Variants in WWOX observed in about 807,000 individuals in gnomAD.
The protein encoded by WWOX is WW domain containing oxidoreductase.
WWOX carries 69 observed loss-of-function variants against 46.2 expected under a neutral mutation model. That is an observed-to-expected ratio of 1.49 (90% CI 1.23 to 1.82). The LOEUF is 1.82. Ranked by LOEUF, WWOX falls within the 40% of genes most tolerant of loss-of-function variation. The probability of loss-of-function intolerance (pLI) is 0.00; values close to 1 mark genes in which losing one functional copy is unlikely to be tolerated. For synonymous variants in WWOX, 359 were observed against 202.6 expected, an observed-to-expected ratio of 1.77 and a Z score of -6.56; for missense variants, 919 against 542.6, an observed-to-expected ratio of 1.69 and a Z score of -6.89.
chr16:78,367,693 G>A (rs2081570546), intron 5 of WWOX, among the ~76,000 whole-genome samples: 2 of 152,056 alleles, frequency 1.3e-5, no homozygotes, highest in Admixed American at 1.3e-4. Flanking sequence ...GTACTGTTTT[G>A]GAAGGAGAAT....
At chr16:78,885,177 A>G (rs1236768895) in intron 8 of WWOX, among the ~76,000 whole-genome samples, 1 of 148,390 alleles carries the variant, frequency 6.7e-6, no homozygotes, top group African/African-American at 2.5e-5. Flanking sequence ...GCGGGGGACT[A>G]CCAATCACTC....
chr16:78,481,764 T>TGTGCGC (rs149940474), intron 8 of WWOX, among the ~76,000 whole-genome samples: 266 of 148,022 alleles, frequency 1.8e-3, no homozygotes, highest in African/African-American at 2.3e-3. Context: ...TGTGTGTGTG[T>TGTGCGC]GCGCGCGCCT....
intron 5 of WWOX, among the ~76,000 whole-genome samples, chr16:78,359,868 A>C (rs1035285616): frequency 6.6e-6 from 1 of 152,224 alleles, no homozygotes; most frequent in Non-Finnish European, 1.5e-5. Flanking sequence ...TTGTTTTGAC[A>C]CAGCAAAAAC....
Position 78,425,054 on chromosome 16 carries a change from C to T in WWOX, c.790C>T (p.Arg264Ter), listed in dbSNP as rs756762196. The stretch of plus-strand genomic sequence containing the variant: ...CATTGTGGTCTCCTCAGAGTCCCAT[C>T]GGTGGGTTTGAATTGCATATTTGTT... ...RVIVVSSESH[R>*]FTDINDSLGK... The change falls in exon 7 of 9, where the codon CGA becomes TGA. Residue 264 changes from arginine to a stop codon, truncating the protein, a stop_gained and splice_region_variant. Transcript: ENST00000566780. LOFTEE classifies it high-confidence loss of function. 18 of 1,613,428 alleles carry T rather than the reference C, an allele frequency of 1.1e-5. No individual in the cohort carries two copies. Among genetic ancestry groups the T allele is most frequent in the South Asian group, 8.8e-5 (8 of 91,052 alleles).
At chr16:78,855,729 C>T (rs145116422) in intron 8 of WWOX, among the ~76,000 whole-genome samples, 12 of 152,262 alleles carry the variant, frequency 7.9e-5, no homozygotes, top group South Asian at 4.1e-4. Flanking sequence ...TGGAGAGAGA[C>T]GCACCACCTC....
intron 8 of WWOX, among the ~76,000 whole-genome samples, chr16:78,940,804 T>C (rs932296888): frequency 6.6e-6 from 1 of 152,042 alleles, no homozygotes; most frequent in Admixed American, 6.6e-5. Flanking sequence ...ATCCTGGTCC[T>C]TAGAGTCTTT....
At chr16:78,655,261 C>T (rs768451759) in intron 8 of WWOX, among the ~76,000 whole-genome samples, 1 of 152,058 alleles carries the variant, frequency 6.6e-6, no homozygotes, top group African/African-American at 2.4e-5. Context: ...GGTGGTGGGG[C>T]GTGGGCACTA....
intron 3 of WWOX, among the ~76,000 whole-genome samples, chr16:78,113,216 A>T (rs751991666): frequency 7.9e-5 from 12 of 152,164 alleles, no homozygotes; most frequent in Non-Finnish European, 1.8e-4. Flanking sequence ...GACCTACTGA[A>T]TCAGCACTGG....
At chr16:78,273,590 T>C (rs2079522689) in intron 5 of WWOX, among the ~76,000 whole-genome samples, 3 of 151,978 alleles carry the variant, frequency 2.0e-5, no homozygotes, top group Middle Eastern at 3.4e-3. Flanking sequence ...GAAAGGAGGG[T>C]GGGGAGACCT....
At chr16:78,399,335 C>T (rs78314485) in intron 6 of WWOX, among the ~76,000 whole-genome samples, 2 of 152,178 alleles carry the variant, frequency 1.3e-5, no homozygotes, top group African/African-American at 4.8e-5. Flanking sequence ...TGGGAAACAA[C>T]TTCTAAAGTA....
chr16:78,501,107 T>A (rs1008045798), intron 8 of WWOX, among the ~76,000 whole-genome samples: 60 of 151,282 alleles, frequency 4.0e-4, no homozygotes, highest in African/African-American at 1.4e-3. Flanking sequence ...GGATTCCAGG[T>A]CTCAGTTAAT....
chr16:78,611,155 C>T (rs960048546), intron 8 of WWOX, among the ~76,000 whole-genome samples: 10 of 152,076 alleles, frequency 6.6e-5, no homozygotes, highest in African/African-American at 2.4e-4. Flanking sequence ...CTTATTGAAA[C>T]GACTGAAATA....
At chr16:78,867,858 C>G (rs1207840072) in intron 8 of WWOX, among the ~76,000 whole-genome samples, 4 of 152,160 alleles carry the variant, frequency 2.6e-5, no homozygotes, top group South Asian at 2.1e-4. Flanking sequence ...TGCCTACTAG[C>G]TTAGCTCTAA....
intron 8 of WWOX, among the ~76,000 whole-genome samples, chr16:78,567,121 C>T (rs1301399813): frequency 2.0e-5 from 3 of 152,078 alleles, no homozygotes; most frequent in Non-Finnish European, 4.4e-5. Flanking sequence ...TCAGAATGAC[C>T]CAGTAAAGAT....
At chr16:78,684,276 G>T (rs919059706) in intron 8 of WWOX, among the ~76,000 whole-genome samples, 6 of 152,162 alleles carry the variant, frequency 3.9e-5, no homozygotes, top group African/African-American at 1.4e-4. Context: ...TGGACCTGCG[G>T]TCTGTCCAGG....
At chr16:78,644,379 T>C (rs138825125) in intron 8 of WWOX, among the ~76,000 whole-genome samples, 106 of 152,248 alleles carry the variant, frequency 7.0e-4, no homozygotes, top group African/African-American at 2.5e-3. Context: ...ATTTTAATTA[T>C]TTCTAGAATG....
At chr16:78,122,928 C>G (rs2033169055) in intron 4 of WWOX, among the ~76,000 whole-genome samples, 3 of 152,058 alleles carry the variant, frequency 2.0e-5, no homozygotes, top group Admixed American at 2.0e-4. Context: ...TTCCTTTAAT[C>G]TAAAAGCAGA....
chr16:78,849,475 G>C (rs2052385477), intron 8 of WWOX, among the ~76,000 whole-genome samples: 1 of 151,192 alleles, frequency 6.6e-6, no homozygotes, highest in South Asian at 2.1e-4. Context: ...TGGGGAGGCT[G>C]AGGCAGGAGA....
intron 8 of WWOX, among the ~76,000 whole-genome samples, chr16:79,013,527 C>G (rs1287210882): frequency 6.6e-6 from 1 of 152,152 alleles, no homozygotes; most frequent in Non-Finnish European, 1.5e-5. Context: ...GCGTGTGCAA[C>G]AGGGACAGCA....
Sources: allele counts gnomAD v4.1 joint callset (sites outside exome capture counted in the v4.1 genomes callset), GRCh38; gene constraint gnomAD v4.1.1; transcripts MANE v1.5; gene names NCBI Gene and HGNC (gene_info 2026-07-23, HGNC 2026-07-21).